Variants in STAB2 observed in about 807,000 individuals in gnomAD.
STAB2 encodes stabilin 2, also known as stabilin-2.
A neutral mutation model predicts 338.1 loss-of-function variants in STAB2; 288 were observed. The ratio of observed to expected loss-of-function variants is 0.85; its 90% CI spans 0.77 to 0.94. The LOEUF (loss-of-function observed/expected upper bound fraction) is 0.94. STAB2 is among the 40% of genes least tolerant of loss of function. The pLI is 0.00. For missense variants in STAB2, 3,141 were observed against 3,210.1 expected (o/e 0.98, Z 0.52); for synonymous variants, 1,202 against 1,193.3 (o/e 1.01, Z -0.15).
At chr12:103,670,995 C>T (rs2138816399) in intron 22 of STAB2, among the ~76,000 whole-genome samples, 188 bp downstream of exon 22, 1 of 152,308 alleles carries the variant, frequency 6.6e-6, no homozygotes, top group South Asian at 2.1e-4. Flanking sequence ...CTGAGCCCCA[C>T]CTGCAGAGTT....
chr12:103,595,761 C>G (rs1956865861), intron 3 of STAB2, among the ~76,000 whole-genome samples: 1 of 152,194 alleles, frequency 6.6e-6, no homozygotes, highest in African/African-American at 2.4e-5. Context: ...TTCCTTTGGA[C>G]TGGTAAGTGA....
intron 65 of STAB2, among the ~76,000 whole-genome samples, chr12:103,759,738 G>A (rs951724870): frequency 1.3e-5 from 2 of 151,928 alleles, no homozygotes; most frequent in African/African-American, 2.4e-5. Flanking sequence ...TTTCATGATT[G>A]TGATACAAGG....
At chr12:103,690,849 A>G (rs1877876219) in intron 30 of STAB2, among the ~76,000 whole-genome samples, 3 of 152,222 alleles carry the variant, frequency 2.0e-5, no homozygotes. Flanking sequence ...TTTTCTTTTG[A>G]CGTATAGTTG....
At chr12:103,619,613 A>T (rs140259574) in intron 3 of STAB2, among the ~76,000 whole-genome samples, 4 of 152,266 alleles carry the variant, frequency 2.6e-5, no homozygotes, top group African/African-American at 9.6e-5. Context: ...TACAATTCAG[A>T]TCTAGAATAT....
chr12:103,691,124 G>A (rs1877900844), intron 30 of STAB2, among the ~76,000 whole-genome samples: 4 of 152,216 alleles, frequency 2.6e-5, no homozygotes, highest in Admixed American at 2.6e-4. Flanking sequence ...TTTCTACAGT[G>A]TGTCAAAGAC....
intron 43 of STAB2, 127 bp downstream of exon 43, chr12:103,716,015 A>AT (rs1880284284): frequency 1.9e-6 from 2 of 1,029,918 alleles, no homozygotes; most frequent in Admixed American, 2.7e-5. Context: ...TAAATACTTT[A>AT]GGGGAAATTC....
At chr12:103,599,075 G>C (rs1031690771) in intron 3 of STAB2, among the ~76,000 whole-genome samples, 1 of 152,148 alleles carries the variant, frequency 6.6e-6, no homozygotes, top group African/African-American at 2.4e-5. Context: ...CCCAGTTCTA[G>C]TTCATTACTC....
chr12:103,708,715 A>G (rs1320731924), intron 39 of STAB2, among the ~76,000 whole-genome samples, 179 bp downstream of exon 39: 2 of 152,208 alleles, frequency 1.3e-5, no homozygotes, highest in Non-Finnish European at 2.9e-5. Context: ...AAATAAAATC[A>G]CTCATAACCT....
Position 103,660,392 on chromosome 12 carries a change from C to A in STAB2, c.1788+8C>A. 1.2e-6 allele frequency: 2 copies of A among 1,614,092 alleles called. No individual in the cohort carries two copies. The highest frequency in any genetic ancestry group is 1.1e-5 in the South Asian group (1 of 91,072). Reference sequence around the variant, plus strand: ...ATTGTCCCATTTACCCAGGTTGGCCCCACTTTTCCTGCTGCTACTTTCTCT... The same window carrying A: ...ATTGTCCCATTTACCCAGGTTGGCCACACTTTTCCTGCTGCTACTTTCTCT... On this transcript the variant is annotated splice_region_variant and intron_variant, in intron 16 of 68. Transcript: ENST00000388887.
At chr12:103,712,495 A>G in intron 41 of STAB2, 52 bp downstream of exon 41, 1 of 1,399,566 alleles carries the variant, frequency 7.1e-7, no homozygotes, top group Non-Finnish European at 1.0e-6. Flanking sequence ...TGCACAGGCT[A>G]TTGAGAGGTT....
intron 52 of STAB2, among the ~76,000 whole-genome samples, chr12:103,736,036 C>G (rs1346794959): frequency 6.6e-6 from 1 of 152,188 alleles, no homozygotes; most frequent in Admixed American, 6.5e-5. Flanking sequence ...TTTTACCTTC[C>G]CTGGCTAGTT....
At chr12:103,689,017 T>C (rs1250961709) in intron 28 of STAB2, among the ~76,000 whole-genome samples, 1 of 152,184 alleles carries the variant, frequency 6.6e-6, no homozygotes, top group Non-Finnish European at 1.5e-5. Context: ...TTGGTTTTTT[T>C]TTTTCTTTTT....
At chr12:103,625,439 A>C (rs11111685) in intron 5 of STAB2, among the ~76,000 whole-genome samples, 23,753 of 152,106 alleles carry the variant, frequency 0.16, 2,032 homozygotes, top group South Asian at 0.21. Context: ...GTACATGTGC[A>C]ATGTTGGTGT....
At chr12:103,657,602 C>T (rs1874289738) in intron 15 of STAB2, 2 of 152,224 alleles carry the variant, frequency 1.3e-5, no homozygotes, top group Admixed American at 6.5e-5. Flanking sequence ...GGTAAGAATA[C>T]TTACACCACA....
intron 50 of STAB2, 37 bp downstream of exon 50, chr12:103,731,672 T>C: frequency 6.3e-7 from 1 of 1,586,208 alleles, no homozygotes; most frequent in Non-Finnish European, 8.6e-7. Context: ...GAGGATAACC[T>C]GCCTAAAGAA....
chr12:103,627,050 C>A (rs1957391456), intron 5 of STAB2, among the ~76,000 whole-genome samples: 1 of 152,206 alleles, frequency 6.6e-6, no homozygotes, highest in Non-Finnish European at 1.5e-5. Flanking sequence ...AGAGGGATTT[C>A]TTTGGATCCT....
At chr12:103,711,651 A>G in intron 40 of STAB2, 135 bp downstream of exon 40, 1 of 1,010,030 alleles carries the variant, frequency 9.9e-7, no homozygotes, top group Non-Finnish European at 1.5e-6. Flanking sequence ...TTGAGTATGA[A>G]ACTAAAAATA....
chr12:103,704,547 G>T lies in STAB2; in HGVS notation c.3844-11G>T. The T allele has an allele frequency of 6.2e-7, 1 of 1,612,416 alleles. No individual in the cohort carries two copies. Among genetic ancestry groups the T allele is most frequent in the Non-Finnish European group, 8.5e-7 (1 of 1,179,416 alleles). On this transcript the variant is annotated splice_polypyrimidine_tract_variant and intron_variant, in intron 35 of 68. Transcript: ENST00000388887. ...AGTTAATTACATTGATTGCTTTTGT[G>T]TTTTACCAAGGGAAGATGTAGGACA...
intron 52 of STAB2, 61 bp from the exon 53 acceptor site, chr12:103,737,573 T>TG: frequency 2.1e-6 from 3 of 1,450,770 alleles, no homozygotes; most frequent in Non-Finnish European, 2.7e-6. Flanking sequence ...AGATTGACTG[T>TG]TTCTCTCTCT....
Sources: allele counts gnomAD v4.1 joint callset (sites outside exome capture counted in the v4.1 genomes callset), GRCh38; gene constraint gnomAD v4.1.1; transcripts MANE v1.5; gene names NCBI Gene and HGNC (gene_info 2026-07-23, HGNC 2026-07-21).